Variants in ROBO2 observed in about 807,000 individuals in gnomAD.
The protein encoded by ROBO2 is roundabout homolog 2.
A neutral mutation model predicts 160.8 loss-of-function variants in ROBO2; 53 were observed. The observed-to-expected ratio is 0.33, with a 90% CI of 0.26 to 0.41. The LOEUF (loss-of-function observed/expected upper bound fraction) is 0.41. ROBO2 is among the 10% of genes least tolerant of loss of function. The pLI is 1.00. For synonymous variants in ROBO2, 664 were observed against 611.7 expected, an observed-to-expected ratio of 1.09 and a Z score of -1.26; for missense variants, 1,577 against 1,722.4, an observed-to-expected ratio of 0.92 and a Z score of 1.49.
chr3:77,030,110 A>G (rs551480301), intron 2 of ROBO2, among the ~76,000 whole-genome samples: 19 of 151,876 alleles, frequency 1.3e-4, no homozygotes, highest in African/African-American at 4.1e-4. Context: ...ACGCCCGGCT[A>G]ATTTTCTGTA....
intron 2 of ROBO2, among the ~76,000 whole-genome samples, chr3:76,028,319 T>G (rs1295136342): frequency 6.6e-6 from 1 of 151,906 alleles, no homozygotes; most frequent in African/African-American, 2.4e-5. Context: ...AGGCTCAAAT[T>G]ATCTATGGAG....
intron 1 of ROBO2, among the ~76,000 whole-genome samples, chr3:77,064,260 A>G (rs1403377099): frequency 1.3e-5 from 2 of 152,202 alleles, no homozygotes; most frequent in Non-Finnish European, 1.5e-5. Context: ...AGTTTGTAAG[A>G]CAAAATTCAA....
At chr3:76,000,452 GAATTA>G (rs1278266486) in intron 2 of ROBO2, among the ~76,000 whole-genome samples, 1 of 150,512 alleles carries the variant, frequency 6.6e-6, no homozygotes, top group African/African-American at 2.4e-5. Context: ...CTAGCAAACC[GAATTA>G]AATTAAAATA....
rs544245240 is a variant in ROBO2 at position 76,279,529 on chromosome 3, A to G, written c.109+341927A>G. Among the ~76,000 whole-genome samples the G allele has an allele frequency of 3.8e-4, 58 of 152,132 alleles. 1 individual carries two copies. The highest frequency in any genetic ancestry group is 6.8e-3 in the Middle Eastern group (2 of 294). ...TAGAAATAATCTTATATAGTTATCA[A>G]TTGAGTAAAGGCCAATTTATAGAGA... On this transcript the variant is annotated intron_variant, in intron 2 of 26. Transcript: ENST00000487694.
intron 2 of ROBO2, among the ~76,000 whole-genome samples, chr3:77,267,758 C>G (rs2153348866): frequency 6.6e-6 from 1 of 152,286 alleles, no homozygotes; most frequent in Middle Eastern, 3.4e-3. Context: ...TGACCCTTGA[C>G]TGATGGGCCA....
At chr3:76,235,733 A>G (rs146892449) in intron 2 of ROBO2, among the ~76,000 whole-genome samples, 3,625 of 152,290 alleles carry the variant, frequency 0.024, 62 homozygotes, top group Non-Finnish European at 0.038. Flanking sequence ...TAGCCATTTT[A>G]TATAATTCAT....
chr3:77,578,684 G>A (rs1222118594), intron 15 of ROBO2, among the ~76,000 whole-genome samples: 3 of 151,956 alleles, frequency 2.0e-5, no homozygotes, highest in Admixed American at 2.0e-4. Context: ...AAGAATAAAT[G>A]CTTTTACAAT....
At chr3:77,552,162 A>G (rs2092943296) in intron 8 of ROBO2, among the ~76,000 whole-genome samples, 1 of 152,056 alleles carries the variant, frequency 6.6e-6, no homozygotes, top group African/African-American at 2.4e-5. Context: ...TTAATCATTA[A>G]AAAGATCTTA....
intron 2 of ROBO2, among the ~76,000 whole-genome samples, chr3:76,086,654 T>A (rs74426498): frequency 6.6e-6 from 1 of 152,256 alleles, no homozygotes; most frequent in East Asian, 1.9e-4. Flanking sequence ...TTACGAGGCA[T>A]ACTAATATGT....
intron 2 of ROBO2, among the ~76,000 whole-genome samples, chr3:76,146,640 T>C (rs1398724508): frequency 2.6e-5 from 4 of 151,000 alleles, no homozygotes; most frequent in Admixed American, 6.6e-5. Context: ...ATTATAGGAG[T>C]AATATTCCAT....
intron 2 of ROBO2, among the ~76,000 whole-genome samples, chr3:76,957,735 G>A (rs2079374830): frequency 1.3e-5 from 2 of 151,838 alleles, no homozygotes; most frequent in Admixed American, 1.3e-4. Context: ...GGAGGCTGAG[G>A]CAGGAGAATC....
At chr3:76,759,106 G>A (rs951790969) in intron 2 of ROBO2, among the ~76,000 whole-genome samples, 1 of 151,778 alleles carries the variant, frequency 6.6e-6, no homozygotes, top group Non-Finnish European at 1.5e-5. Flanking sequence ...CACTGTGTTA[G>A]AACTGGAACG....
intron 1 of ROBO2, among the ~76,000 whole-genome samples, chr3:77,095,918 T>A (rs1052555153): frequency 3.3e-5 from 5 of 152,162 alleles, no homozygotes; most frequent in African/African-American, 4.8e-5. Context: ...CTCTTTAGTT[T>A]TTTTTTTAAA....
chr3:76,538,521 A>G (rs1363007053), intron 2 of ROBO2, among the ~76,000 whole-genome samples: 2 of 152,184 alleles, frequency 1.3e-5, no homozygotes, highest in African/African-American at 4.8e-5. Flanking sequence ...GCTATCTTCT[A>G]AAGTAGTACA....
At chr3:77,114,834 G>C (rs2074040486) in intron 2 of ROBO2, among the ~76,000 whole-genome samples, 1 of 151,852 alleles carries the variant, frequency 6.6e-6, no homozygotes, top group South Asian at 2.1e-4. Flanking sequence ...GTTTTGTTAG[G>C]TGAAATGTAT....
intron 2 of ROBO2, among the ~76,000 whole-genome samples, chr3:76,102,640 T>A (rs984016131): frequency 1.3e-5 from 2 of 152,174 alleles, no homozygotes; most frequent in Non-Finnish European, 2.9e-5. Context: ...TTGGATTTAG[T>A]GATTATGAAT....
At chr3:77,181,995 T>C (rs956409056) in intron 2 of ROBO2, among the ~76,000 whole-genome samples, 3 of 152,116 alleles carry the variant, frequency 2.0e-5, no homozygotes, top group Non-Finnish European at 4.4e-5. Context: ...ATTTTAGCTA[T>C]ATCTATCCTA....
chr3:76,749,503 G>A (rs2108198892), intron 2 of ROBO2, among the ~76,000 whole-genome samples: 1 of 152,138 alleles, frequency 6.6e-6, no homozygotes, highest in South Asian at 2.1e-4. Flanking sequence ...TAGGGAGTGA[G>A]TTAGCTATAC....
chr3:77,384,998 A>T (rs150214109), intron 2 of ROBO2, among the ~76,000 whole-genome samples: 3,209 of 152,214 alleles, frequency 0.021, 49 homozygotes, highest in Middle Eastern at 0.037. Flanking sequence ...ATAAACTTCA[A>T]ATATGAAGGG....
Sources: gnomAD v4.1 joint callset for allele counts (sites outside exome capture counted in the v4.1 genomes callset) on GRCh38, gnomAD v4.1.1 for gene constraint, MANE v1.5 for transcripts, NCBI Gene and HGNC (gene_info 2026-07-23, HGNC 2026-07-21) for gene names.